Variants in CCDC7 observed in about 807,000 individuals in gnomAD.
The protein encoded by CCDC7 is coiled-coil domain-containing protein 7.
A neutral mutation model predicts 196.9 loss-of-function variants in CCDC7; 183 were observed. The observed-to-expected ratio is 0.93, with a 90% CI of 0.82 to 1.05. The LOEUF is 1.05. Ranked by LOEUF, CCDC7 falls within the 50% of genes least tolerant of loss-of-function variation. The probability of loss-of-function intolerance (pLI) is 0.00; values close to 1 mark genes in which losing one functional copy is unlikely to be tolerated. For synonymous variants in CCDC7, 525 were observed against 484.6 expected, an observed-to-expected ratio of 1.08 and a Z score of -1.10; for missense variants, 1,540 against 1,482.2, an observed-to-expected ratio of 1.04 and a Z score of -0.64.
chr10:32,640,340 T>C (rs931560537), intron 20 of CCDC7, among the ~76,000 whole-genome samples: 1 of 152,210 alleles, frequency 6.6e-6, no homozygotes, highest in Non-Finnish European at 1.5e-5. Context: ...TAAAGTACTT[T>C]TTTTGTTTTG....
chr10:32,737,233 T>C (rs935263555), intron 28 of CCDC7, among the ~76,000 whole-genome samples: 1 of 152,182 alleles, frequency 6.6e-6, no homozygotes, highest in African/African-American at 2.4e-5. Flanking sequence ...TATAATTCTT[T>C]TTATACATTG....
chr10:32,808,895 G>T (rs1299619833), intron 30 of CCDC7, among the ~76,000 whole-genome samples: 1 of 152,072 alleles, frequency 6.6e-6, no homozygotes, highest in Non-Finnish European at 1.5e-5. Context: ...CCCAACCCAG[G>T]GTAGGCATGG....
At chr10:32,846,231 A>G in intron 36 of CCDC7, 145 bp from the exon 38 acceptor site, 1 of 625,748 alleles carries the variant, frequency 1.6e-6, no homozygotes, top group Non-Finnish European at 2.8e-6. Flanking sequence ...TCTACATGTT[A>G]TTATTACATA....
chr10:32,833,682 C>T (rs541191341), intron 32 of CCDC7, among the ~76,000 whole-genome samples: 10 of 152,114 alleles, frequency 6.6e-5, no homozygotes, highest in South Asian at 4.1e-4. Flanking sequence ...ATCATTTTCA[C>T]GAAATATTTT....
chr10:32,544,694 A>G (rs1241870031), intron 13 of CCDC7, among the ~76,000 whole-genome samples: 2 of 152,142 alleles, frequency 1.3e-5, no homozygotes, highest in African/African-American at 2.4e-5. Flanking sequence ...TTCATAACCC[A>G]AATGTGTAAA....
At chr10:32,487,579 A>G (rs559007484) in intron 8 of CCDC7, among the ~76,000 whole-genome samples, 12 of 152,268 alleles carry the variant, frequency 7.9e-5, no homozygotes, top group Admixed American at 6.5e-4. Context: ...TAGAGTTTCC[A>G]GTTTTTCTGC....
rs1593062861 is a variant in CCDC7, at chr10:32,816,587, A to G, written c.3181+2134A>G. On this transcript the variant is annotated intron_variant, in intron 31 of 41. Transcript: ENST00000639629. ...GTAGCCTAACTGGGAGGCAACCCCT[A>G]GTAGGGGCAGACTGACACCTCACAT... Among the ~76,000 whole-genome samples the G allele has an allele frequency of 2.6e-5, 4 of 152,172 alleles. No individual in the cohort carries two copies. In the East Asian group the frequency reaches 7.7e-4, roughly 29 times the overall value.
chr10:32,472,882 C>T (rs1228984831), intron 7 of CCDC7, among the ~76,000 whole-genome samples: 2 of 152,056 alleles, frequency 1.3e-5, no homozygotes, highest in Non-Finnish European at 2.9e-5. Context: ...AGGCATGAGC[C>T]GCCATGCCCG....
At chr10:32,805,793 T>C (rs998344723) in intron 30 of CCDC7, among the ~76,000 whole-genome samples, 1 of 152,178 alleles carries the variant, frequency 6.6e-6, no homozygotes, top group Non-Finnish European at 1.5e-5. Flanking sequence ...AGGCTTCACA[T>C]TGCAGGATGT....
intron 41 of CCDC7, among the ~76,000 whole-genome samples, chr10:32,856,317 ATAAG>A (rs761562905): frequency 3.9e-5 from 6 of 152,228 alleles, no homozygotes; most frequent in Middle Eastern, 3.2e-3. Context: ...CACATATCTG[ATAAG>A]GTATTAATAA....
chr10:32,831,012 C>G (rs114039027), intron 32 of CCDC7, among the ~76,000 whole-genome samples: 1 of 152,090 alleles, frequency 6.6e-6, no homozygotes, highest in Admixed American at 6.6e-5. Context: ...ACAAATGCAT[C>G]GTTGGGTGAC....
intron 25 of CCDC7, among the ~76,000 whole-genome samples, chr10:32,714,351 G>T (rs2081277813): frequency 6.6e-6 from 1 of 152,178 alleles, no homozygotes; most frequent in Non-Finnish European, 1.5e-5. Context: ...TGTGCCATGA[G>T]GGACAGTGCC....
At chr10:32,515,792 G>C (rs1028597383) in intron 9 of CCDC7, among the ~76,000 whole-genome samples, 2 of 151,390 alleles carry the variant, frequency 1.3e-5, no homozygotes, top group Non-Finnish European at 2.9e-5. Flanking sequence ...CGCCCACCTC[G>C]CCTCCCAAAG....
At chr10:32,488,120 T>C (rs2041519062) in intron 8 of CCDC7, among the ~76,000 whole-genome samples, 1 of 152,236 alleles carries the variant, frequency 6.6e-6, no homozygotes, top group Admixed American at 6.5e-5. Flanking sequence ...CCTTGAGCTG[T>C]GGTTGGCTCC....
At chr10:32,464,936 A>G (rs72795506) in intron 5 of CCDC7, among the ~76,000 whole-genome samples, 13,551 of 152,152 alleles carry the variant, frequency 0.089, 866 homozygotes, top group East Asian at 0.33. Context: ...ATTCCTCTCT[A>G]AAGGCCTATT....
intron 40 of CCDC7, among the ~76,000 whole-genome samples, chr10:32,852,492 A>G (rs2093601511): frequency 6.6e-6 from 1 of 151,950 alleles, no homozygotes; most frequent in Non-Finnish European, 1.5e-5. Context: ...AATTTTTTTT[A>G]TTTTTTTATA....
chr10:32,724,974 A>T (rs1057103101), intron 25 of CCDC7, among the ~76,000 whole-genome samples: 1 of 152,126 alleles, frequency 6.6e-6, no homozygotes, highest in South Asian at 2.1e-4. Flanking sequence ...TGCCTGAAAG[A>T]TCACACACAA....
Position 32,689,133 on chromosome 10 carries a change from C to A in CCDC7, c.2314C>A (p.Gln772Lys), listed in dbSNP as rs111537570. The change falls in exon 23 of 42, where the codon CAA becomes AAA. Residue 772 changes from glutamine to lysine, a missense_variant. Physicochemically the swap from Gln to Lys is moderately conservative, Grantham distance 53. Coordinates refer to ENST00000639629, the Ensembl canonical transcript of CCDC7. Reference sequence around the variant, plus strand: ...AAAATCAGAAATGCAAGTGAAGGAACAAAGAACTCTCAAAGGGCAAAGAAT... The same window carrying A: ...AAAATCAGAAATGCAAGTGAAGGAAAAAAGAACTCTCAAAGGGCAAAGAAT... 13 of 1,597,862 alleles carry A rather than the reference C, an allele frequency of 8.1e-6. No homozygotes were observed. The African/African-American group carries it at 9.4e-5, about 12-fold the overall frequency.
Position 32,732,877 on chromosome 10 carries a change from T to C in CCDC7, c.2905+3420T>C, listed in dbSNP as rs75757479. Among the ~76,000 whole-genome samples the C allele has an allele frequency of 6.5e-3, 986 of 152,246 alleles. 8 individuals carry two copies. The highest frequency in any genetic ancestry group is 0.023 in the African/African-American group (940 of 41,580). On this transcript the variant is annotated intron_variant, in intron 28 of 41. Coordinates refer to ENST00000639629, the Ensembl canonical transcript of CCDC7. ...TTTGCAGAACACAATTTTTCACCAT[T>C]GTACTTTCAACCTTTTTGTATTATT...
Sources: allele counts gnomAD v4.1 joint callset (sites outside exome capture counted in the v4.1 genomes callset), GRCh38; gene constraint gnomAD v4.1.1; transcripts MANE v1.5; gene names NCBI Gene and HGNC (gene_info 2026-07-23, HGNC 2026-07-21).